MARCHF1: variants seen among roughly 807,000 people sequenced by gnomAD.
MARCHF1 encodes membrane associated ring-CH-type finger 1, also known as E3 ubiquitin-protein ligase MARCHF1.
MARCHF1 carries 40 observed loss-of-function variants against 54.2 expected under a neutral mutation model. The observed-to-expected ratio is 0.74, with a 90% CI of 0.57 to 0.96. The LOEUF (loss-of-function observed/expected upper bound fraction) is 0.96, where lower values mean the gene tolerates loss of function less well. Among genes scored for constraint, MARCHF1 ranks in the 40% least tolerant of loss-of-function variants. The probability of loss-of-function intolerance (pLI) is 0.00; values close to 1 mark genes in which losing one functional copy is unlikely to be tolerated. For synonymous variants in MARCHF1, 236 were observed against 236.3 expected (o/e 1.00, Z 0.01); for missense variants, 586 against 656.5 (o/e 0.89, Z 1.17).
chr4:163,881,520 C>T (rs999318380), intron 3 of MARCHF1, among the ~76,000 whole-genome samples: 2 of 152,090 alleles, frequency 1.3e-5, no homozygotes, highest in African/African-American at 2.4e-5. Flanking sequence ...GCACCCACTC[C>T]GCATGAGGCT....
chr4:164,293,134 GTTAAA>G (rs1289463588), intron 1 of MARCHF1, among the ~76,000 whole-genome samples: 2 of 151,950 alleles, frequency 1.3e-5, no homozygotes, highest in East Asian at 1.9e-4. Flanking sequence ...AATAGTAATT[GTTAAA>G]TTAAATTTAG....
intron 5 of MARCHF1, among the ~76,000 whole-genome samples, chr4:163,646,709 G>A (rs540025397): frequency 2.0e-5 from 3 of 152,018 alleles, no homozygotes; most frequent in African/African-American, 4.8e-5. Context: ...ATAACCTGTT[G>A]TTAAAGATGT....
intron 2 of MARCHF1, among the ~76,000 whole-genome samples, chr4:164,023,374 A>G (rs1183455488): frequency 1.3e-5 from 2 of 152,124 alleles, no homozygotes; most frequent in Non-Finnish European, 2.9e-5. Flanking sequence ...ACAAGGAAAT[A>G]CAAAAGAGCC....
intron 1 of MARCHF1, among the ~76,000 whole-genome samples, chr4:164,257,496 T>C (rs1733323854): frequency 1.1e-5 from 1 of 91,622 alleles, no homozygotes; most frequent in African/African-American, 3.4e-5. Context: ...ATTTGTTTTA[T>C]ATTTAGGCTA....
chr4:163,733,177 G>GTATA (rs1169850987), intron 4 of MARCHF1, among the ~76,000 whole-genome samples: 11 of 17,542 alleles, frequency 6.3e-4, no homozygotes, highest in East Asian at 2.2e-3. Flanking sequence ...CTGTATGTGT[G>GTATA]TATATATATA....
intron 2 of MARCHF1, among the ~76,000 whole-genome samples, chr4:164,038,828 T>C (rs1295607037): frequency 2.0e-5 from 3 of 152,242 alleles, no homozygotes; most frequent in Non-Finnish European, 4.4e-5. Context: ...TAATTTCTTA[T>C]GATCTGAGAT....
intron 4 of MARCHF1, among the ~76,000 whole-genome samples, chr4:163,705,505 T>C (rs1408602667): frequency 6.6e-6 from 1 of 151,976 alleles, no homozygotes; most frequent in Non-Finnish European, 1.5e-5. Flanking sequence ...TAGAATTTAC[T>C]TATTTCAGGT....
At chr4:163,685,207 C>CT (rs145559712) in intron 5 of MARCHF1, among the ~76,000 whole-genome samples, 108 of 148,392 alleles carry the variant, frequency 7.3e-4, no homozygotes, top group African/African-American at 1.8e-3. Flanking sequence ...TTTTATTACA[C>CT]TTTTTTTTTT....
chr4:163,872,731 A>G, intron 3 of MARCHF1, among the ~76,000 whole-genome samples: 1 of 152,136 alleles, frequency 6.6e-6, no homozygotes, highest in East Asian at 1.9e-4. Flanking sequence ...ATATTTTGAC[A>G]TTTATTTAAA....
intron 2 of MARCHF1, among the ~76,000 whole-genome samples, chr4:164,015,723 A>G (rs1753525510): frequency 6.6e-6 from 1 of 152,194 alleles, no homozygotes; most frequent in Non-Finnish European, 1.5e-5. Flanking sequence ...AATGCCCAGC[A>G]TCACTAATTA....
At chr4:163,623,397 A>G (rs986569568) in intron 5 of MARCHF1, among the ~76,000 whole-genome samples, 1 of 152,216 alleles carries the variant, frequency 6.6e-6, no homozygotes, top group Non-Finnish European at 1.5e-5. Context: ...TATCAGCTGT[A>G]GCACTGGTGA....
At position 163,851,889 on chromosome 4, in the gene MARCHF1, T is replaced by C. The variant is rs115604816; in HGVS notation, c.111+2132A>G. ...AGGAGTCTGGATTTTTAAATCATGA[T>C]TTGGCAGTGAACCTCCAAGGAGAGC... On this transcript the variant is annotated intron_variant, in intron 4 of 9. Coordinates refer to ENST00000514618, the MANE Select transcript of MARCHF1 (RefSeq NM_001394959.1). 7.4e-3 allele frequency among the ~76,000 whole-genome samples: 1,122 copies of C among 152,338 alleles called. 3 individuals carry two copies. Among genetic ancestry groups the C allele is most frequent in the Middle Eastern group, 0.017 (5 of 294 alleles).
intron 5 of MARCHF1, among the ~76,000 whole-genome samples, chr4:163,644,936 C>T (rs887838944): frequency 6.6e-6 from 1 of 152,122 alleles, no homozygotes; most frequent in African/African-American, 2.4e-5. Context: ...AGACATACCC[C>T]AGAGATAGGC....
intron 7 of MARCHF1, among the ~76,000 whole-genome samples, chr4:163,610,295 C>T (rs983306880): frequency 6.6e-6 from 1 of 151,992 alleles, no homozygotes; most frequent in East Asian, 1.9e-4. Flanking sequence ...TCCTCAGCAT[C>T]GAGTATAACA....
chr4:164,152,688 C>T (rs943792639), intron 1 of MARCHF1, among the ~76,000 whole-genome samples: 4 of 151,946 alleles, frequency 2.6e-5, no homozygotes, highest in African/African-American at 4.8e-5. Flanking sequence ...CTTTCAAGTT[C>T]GATAAAAAAC....
At chr4:163,896,145 A>T (rs1379528119) in intron 3 of MARCHF1, among the ~76,000 whole-genome samples, 1 of 152,158 alleles carries the variant, frequency 6.6e-6, no homozygotes, top group Non-Finnish European at 1.5e-5. Context: ...TGCTAAATAT[A>T]TATTGTGCCA....
In MARCHF1 at chr4:164,090,699, T is replaced by C. The variant is rs1470028430; in HGVS notation, c.-248+20889A>G. 2.0e-5 allele frequency among the ~76,000 whole-genome samples: 3 copies of C among 151,994 alleles called. No individual in the cohort carries two copies. In the East Asian group the frequency reaches 5.8e-4, roughly 29 times the overall value. On this transcript the variant is annotated intron_variant, in intron 2 of 9. Coordinates refer to ENST00000514618, the MANE Select transcript of MARCHF1 (RefSeq NM_001394959.1). ...AGATTAACAGGATAGGATTAAGAGA[T>C]CTTATTGAGATAAGAATCTTATCAT...
intron 1 of MARCHF1, among the ~76,000 whole-genome samples, chr4:164,202,075 T>C (rs1434475164): frequency 6.6e-6 from 1 of 152,092 alleles, no homozygotes; most frequent in Non-Finnish European, 1.5e-5. Flanking sequence ...TTGCAACTGA[T>C]AGGGAAGAAA....
At chr4:164,038,470 G>C (rs961327000) in intron 2 of MARCHF1, among the ~76,000 whole-genome samples, 3 of 152,172 alleles carry the variant, frequency 2.0e-5, no homozygotes, top group Non-Finnish European at 4.4e-5. Flanking sequence ...TCCCGCCTGG[G>C]CGACAGAGCC....
Sources: gnomAD v4.1 joint callset for allele counts (sites outside exome capture counted in the v4.1 genomes callset) on GRCh38, gnomAD v4.1.1 for gene constraint, MANE v1.5 for transcripts, NCBI Gene and HGNC (gene_info 2026-07-23, HGNC 2026-07-21) for gene names.